Variants in LRRC4C observed in about 807,000 individuals in gnomAD.
LRRC4C encodes the protein leucine rich repeat containing 4C, also known as leucine-rich repeat-containing protein 4C.
LRRC4C carries 5 observed loss-of-function variants against 33.6 expected under a neutral mutation model. The observed-to-expected ratio is 0.15, with a 90% CI of 0.08 to 0.31. The LOEUF (loss-of-function observed/expected upper bound fraction) is 0.31, where lower values mean the gene tolerates loss of function less well. Among genes scored for constraint, LRRC4C ranks in the 10% least tolerant of loss-of-function variants. LRRC4C has a pLI of 1.00. For missense variants in LRRC4C, 560 were observed against 796.7 expected, an observed-to-expected ratio of 0.70 and a Z score of 3.58; for synonymous variants, 329 against 302.0, an observed-to-expected ratio of 1.09 and a Z score of -0.93.
At chr11:40,947,176 T>C (rs553771609) in intron 1 of LRRC4C, among the ~76,000 whole-genome samples, 215 of 152,314 alleles carry the variant, frequency 1.4e-3, no homozygotes, top group Non-Finnish European at 2.4e-3. Context: ...ATCTTAATCA[T>C]GTATGACTTT....
At chr11:40,781,815 C>G (rs900872627) in intron 2 of LRRC4C, among the ~76,000 whole-genome samples, 2 of 152,100 alleles carry the variant, frequency 1.3e-5, no homozygotes, top group East Asian at 1.9e-4. Flanking sequence ...TAGTTCACAC[C>G]TAAAAGCACC....
intron 1 of LRRC4C, among the ~76,000 whole-genome samples, chr11:41,206,994 A>G (rs1774574519): frequency 1.3e-5 from 2 of 152,182 alleles, no homozygotes; most frequent in African/African-American, 4.8e-5. Flanking sequence ...CTGCTATAGT[A>G]TATAGTATAA....
At chr11:40,492,360 C>G (rs1380383649) in intron 3 of LRRC4C, among the ~76,000 whole-genome samples, 1 of 152,080 alleles carries the variant, frequency 6.6e-6, no homozygotes, top group Non-Finnish European at 1.5e-5. Flanking sequence ...TTATGAAAGA[C>G]CATTTTGCTT....
chr11:41,061,657 G>C (rs1174899322), intron 1 of LRRC4C, among the ~76,000 whole-genome samples: 1 of 152,170 alleles, frequency 6.6e-6, no homozygotes, highest in Non-Finnish European at 1.5e-5. Context: ...GCTTGGCCCA[G>C]GTACTTGTGA....
intron 2 of LRRC4C, among the ~76,000 whole-genome samples, chr11:40,745,189 C>T (rs931465803): frequency 7.9e-5 from 12 of 152,104 alleles, no homozygotes; most frequent in East Asian, 5.8e-4. Flanking sequence ...TTACACACCA[C>T]GGATTATTCT....
intron 3 of LRRC4C, among the ~76,000 whole-genome samples, chr11:40,561,453 C>T (rs886486747): frequency 2.2e-5 from 3 of 134,960 alleles, no homozygotes; most frequent in Admixed American, 1.6e-4. Flanking sequence ...CGCTCTGTTG[C>T]CCAGGCTGGA....
chr11:41,435,546 C>A (rs1398810334), intron 1 of LRRC4C, among the ~76,000 whole-genome samples: 3 of 152,194 alleles, frequency 2.0e-5, no homozygotes, highest in African/African-American at 7.2e-5. Context: ...AAGCATTCCA[C>A]TATGTGCTTT....
intron 4 of LRRC4C, among the ~76,000 whole-genome samples, chr11:40,305,111 G>C (rs1225523132): frequency 2.0e-5 from 3 of 152,150 alleles, no homozygotes; most frequent in African/African-American, 7.2e-5. Flanking sequence ...TTCTTTTAGT[G>C]CTCGAATAGG....
chr11:40,489,796 C>T (rs1463121758), intron 3 of LRRC4C, among the ~76,000 whole-genome samples: 1 of 152,114 alleles, frequency 6.6e-6, no homozygotes, highest in Non-Finnish European at 1.5e-5. Flanking sequence ...AATGTTAAGG[C>T]AGACAAATAG....
At chr11:40,767,269 T>C (rs1949520775) in intron 2 of LRRC4C, among the ~76,000 whole-genome samples, 1 of 151,884 alleles carries the variant, frequency 6.6e-6, no homozygotes, top group Non-Finnish European at 1.5e-5. Context: ...TTCAGCAAAA[T>C]AGTATAACAA....
In LRRC4C at chr11:40,972,346, A is replaced by T. The variant is rs545312861; in HGVS notation, c.-495-38623T>A. 2.0e-5 allele frequency among the ~76,000 whole-genome samples: 3 copies of T among 152,170 alleles called. No individual in the cohort carries two copies. The East Asian group carries it at 5.8e-4, about 30-fold the overall frequency. On this transcript the variant is annotated intron_variant, in intron 1 of 6. Coordinates refer to ENST00000528697, the MANE Select transcript of LRRC4C (RefSeq NM_001258419.2). ...GAGATAGCGTTTCACCATGTTGGCCAGGCTGGTCTTGAACTCCTGTTCTTA... is the reference window on the plus strand; with the variant it reads ...GAGATAGCGTTTCACCATGTTGGCCTGGCTGGTCTTGAACTCCTGTTCTTA...
Position 40,115,931 on chromosome 11 carries a change from T to C in LRRC4C, c.362A>G (p.Asn121Ser), listed in dbSNP as rs1565003513. ...CAGAGTGTTGAGGTTCGCCAGACCA[T>C]TGAAAGCCCCAATTTCAATGGTTCT... The part of the protein sequence containing the change: ...HIRTIEIGAF[N>S]GLANLNTLEL... Residue 121 changes from asparagine (N) to serine (S), a missense_variant, in exon 7 of 7, where the codon AAT (asparagine) becomes AGT (serine). Transcript: ENST00000528697. This position sits in a 1 kb window ranked among gnomAD's most constrained non-coding sequence, Gnocchi z 6.7. 3 of 1,614,062 alleles carry C rather than the reference T, an allele frequency of 1.9e-6. No homozygotes were observed. The highest frequency in any genetic ancestry group is 1.3e-5 in the African/African-American group (1 of 75,006).
In LRRC4C at chr11:40,701,502, G is replaced by A. The variant is rs371434468; in HGVS notation, c.-406-53224C>T. Reference sequence around the variant, plus strand: ...TTTGTCCTGGAAGTCTGAAAAGTCCGTACTTATGTGATGGCAAACGTGTGG... The same window carrying A: ...TTTGTCCTGGAAGTCTGAAAAGTCCATACTTATGTGATGGCAAACGTGTGG... On this transcript the variant is annotated intron_variant, in intron 2 of 6. Transcript: ENST00000528697. 1.3e-3 allele frequency among the ~76,000 whole-genome samples: 191 copies of A among 151,638 alleles called. 6 individuals carry two copies. The South Asian group carries it at 0.03, about 24-fold the overall frequency.
chr11:40,689,309 C>G (rs76121322), intron 2 of LRRC4C, among the ~76,000 whole-genome samples: 6,979 of 151,958 alleles, frequency 0.046, 507 homozygotes, highest in African/African-American at 0.16. Flanking sequence ...ACTGCCTGAT[C>G]CATCTTATAA....
At chr11:40,728,177 A>C (rs1005930004) in intron 2 of LRRC4C, among the ~76,000 whole-genome samples, 1 of 152,194 alleles carries the variant, frequency 6.6e-6, no homozygotes, top group Non-Finnish European at 1.5e-5. Context: ...GGAAAAAGAA[A>C]TGGCTATACA....
intron 3 of LRRC4C, among the ~76,000 whole-genome samples, chr11:40,532,664 A>G (rs2135322502): frequency 6.7e-6 from 1 of 149,196 alleles, no homozygotes; most frequent in East Asian, 1.9e-4. Flanking sequence ...TTTTGTGACT[A>G]AAGTGTTAGT....
chr11:40,117,044 T>C (rs1368798521), intron 6 of LRRC4C, among the ~76,000 whole-genome samples: 1 of 152,194 alleles, frequency 6.6e-6, no homozygotes, highest in African/African-American at 2.4e-5. Flanking sequence ...ATTGCCATTC[T>C]TTTCATTTTC....
chr11:40,958,744 AT>A (rs1164725263), intron 1 of LRRC4C, among the ~76,000 whole-genome samples: 1 of 151,790 alleles, frequency 6.6e-6, no homozygotes, highest in African/African-American at 2.4e-5. Context: ...AATTCTTGAA[AT>A]CTCAAATCTT....
chr11:40,641,100 T>C (rs1426091557), intron 3 of LRRC4C, among the ~76,000 whole-genome samples: 2 of 152,080 alleles, frequency 1.3e-5, no homozygotes, highest in Non-Finnish European at 2.9e-5. Flanking sequence ...TAGTCTTCAG[T>C]TAATATAGAC....
Sources: allele counts gnomAD v4.1 joint callset (sites outside exome capture counted in the v4.1 genomes callset), GRCh38; gene constraint gnomAD v4.1.1; non-coding constraint Gnocchi (gnomAD v3.1); transcripts MANE v1.5; gene names NCBI Gene and HGNC (gene_info 2026-07-23, HGNC 2026-07-21).